COL13A1: variants seen among roughly 807,000 people sequenced by gnomAD.
COL13A1 encodes the protein collagen type XIII alpha 1 chain.
In COL13A1, 89 loss-of-function variants were observed where a neutral mutation model predicts 130.9. That is an observed-to-expected ratio of 0.68 (90% confidence interval 0.57 to 0.81). The LOEUF (loss-of-function observed/expected upper bound fraction) is 0.81. Among genes scored for constraint, COL13A1 ranks in the 30% least tolerant of loss-of-function variants. The pLI is 0.00. For missense variants in COL13A1, 879 were observed against 934.6 expected, an observed-to-expected ratio of 0.94 and a Z score of 0.78; for synonymous variants, 402 against 341.6, an observed-to-expected ratio of 1.18 and a Z score of -1.95.
intron 40 of COL13A1, among the ~76,000 whole-genome samples, 170 bp from the exon 41 acceptor site, chr10:69,958,529 G>A (rs1372125170): frequency 6.6e-6 from 1 of 152,196 alleles, no homozygotes; most frequent in African/African-American, 2.4e-5. Flanking sequence ...CCTTCAGGGA[G>A]CTAAGGTCGC....
chr10:69,825,362 T>C lies in COL13A1; in HGVS notation c.364+2924T>C, dbSNP rs552769704. Among the ~76,000 whole-genome samples the C allele has an allele frequency of 7.9e-4, 120 of 152,192 alleles. 1 individual carries two copies. Among genetic ancestry groups the C allele is most frequent in the Non-Finnish European group, 1.5e-3 (100 of 68,030 alleles). ...ATCCTTGCAGAAGGACTCATACAATTGTCAAGTGCCACATACAAATTCAAA... is the reference window on the plus strand; with the variant it reads ...ATCCTTGCAGAAGGACTCATACAATCGTCAAGTGCCACATACAAATTCAAA... On this transcript the variant is annotated intron_variant, in intron 2 of 40. Transcript: ENST00000645393.
Position 69,889,428 on chromosome 10 carries a change from A to C in COL13A1, c.591A>C (p.Pro197=), listed in dbSNP as rs2060939915. ...GLDGKPGHPG[P]KGDMGLTGPP... ...TCTCCTTCCAGGGCCACCCAGGACC[A>C]AAGGGCGACATGGTAAGAGCCCAGC... Residue 197 remains proline, a synonymous_variant, in exon 10 of 41, where the codon CCA becomes CCC. Coordinates refer to ENST00000645393, the MANE Select transcript of COL13A1 (RefSeq NM_001368882.1). 1 of 1,611,874 alleles carries C rather than the reference A, an allele frequency of 6.2e-7. No homozygotes were observed. Among genetic ancestry groups the C allele is most frequent in the Non-Finnish European group, 8.5e-7 (1 of 1,179,226 alleles).
intron 17 of COL13A1, among the ~76,000 whole-genome samples, chr10:69,906,453 G>C (rs1000496283): frequency 4.6e-5 from 7 of 152,110 alleles, no homozygotes; most frequent in Non-Finnish European, 8.8e-5. Context: ...CTGTGGGCTG[G>C]GGGGCCCTGT....
At position 69,935,403 on chromosome 10, in the gene COL13A1, G is replaced by C; in HGVS notation, c.1770+12G>C. 1 of 1,548,268 alleles carries C rather than the reference G, an allele frequency of 6.5e-7. No homozygotes were observed. Among genetic ancestry groups the C allele is most frequent in the South Asian group, 1.2e-5 (1 of 81,906 alleles). On this transcript the variant is annotated intron_variant, in intron 32 of 40. Transcript: ENST00000645393. Reference sequence around the variant, plus strand: ...CTCCCGGACCTCCGGTAAGTTTGGAGGGCTTGTCAGTGGCCAGTCCACTAA... The same window carrying C: ...CTCCCGGACCTCCGGTAAGTTTGGACGGCTTGTCAGTGGCCAGTCCACTAA...
chr10:69,878,008 C>T, intron 5 of COL13A1, 31 bp from the exon 6 acceptor site: 1 of 702,962 alleles, frequency 1.4e-6, no homozygotes, highest in South Asian at 1.5e-5. Flanking sequence ...CTTTCCCTTC[C>T]TGCACCCTGT....
At position 69,930,569 on chromosome 10, in the gene COL13A1, GCT is replaced by G; in HGVS notation, c.1683+18_1683+19del. On this transcript the variant is annotated intron_variant, in intron 30 of 40. Coordinates refer to ENST00000645393, the MANE Select transcript of COL13A1 (RefSeq NM_001368882.1). ...GGCTCACCGGTGAGTGGCAGGGCTG[GCT>G]GCCCTTCCGTGCATACACCACTCCC... 6.2e-7 allele frequency: 1 copy of G among 1,610,230 alleles called. No individual in the cohort carries two copies. The highest frequency in any genetic ancestry group is 8.5e-7 in the Non-Finnish European group (1 of 1,178,448).
At position 69,950,709 on chromosome 10, in the gene COL13A1, C is replaced by T. The variant is rs118187293; in HGVS notation, c.2059-2173C>T. ...CCTAATATGTGCATACATATTTAAA[C>T]GCATGTCGTTTTCTAAGTAAGGATT... is the stretch of plus-strand genomic sequence containing the variant. On this transcript the variant is annotated intron_variant, in intron 38 of 40. Coordinates refer to ENST00000645393, the MANE Select transcript of COL13A1 (RefSeq NM_001368882.1). Among the ~76,000 whole-genome samples, 39 of 152,298 alleles carry T rather than the reference C, an allele frequency of 2.6e-4. No individual in the cohort carries two copies. In the East Asian group the frequency reaches 4.2e-3, roughly 17 times the overall value.
intron 1 of COL13A1, among the ~76,000 whole-genome samples, chr10:69,805,146 G>T (rs900258045): frequency 6.6e-6 from 1 of 152,142 alleles, no homozygotes; most frequent in Non-Finnish European, 1.5e-5. Context: ...GGCAGCCCAG[G>T]TCAAGAGGGG....
At chr10:69,930,850 T>G (rs1046546354) in intron 30 of COL13A1, among the ~76,000 whole-genome samples, 10 of 152,358 alleles carry the variant, frequency 6.6e-5, no homozygotes, top group African/African-American at 2.4e-4. Flanking sequence ...ATGTTTTCCC[T>G]GGATACCTCA....
intron 2 of COL13A1, among the ~76,000 whole-genome samples, chr10:69,855,507 GAACT>G (rs1486551565): frequency 2.6e-5 from 4 of 152,174 alleles, no homozygotes; most frequent in African/African-American, 4.8e-5. Context: ...ATATTATAAT[GAACT>G]AATAACTAAT....
chr10:69,930,250 G>A, intron 29 of COL13A1, 150 bp from the exon 30 acceptor site: 1 of 1,045,632 alleles, frequency 9.6e-7, no homozygotes, highest in Non-Finnish European at 1.4e-6. Flanking sequence ...GCAAGCCCCA[G>A]GAGGAGCCAG....
chr10:69,954,609 A>G (rs1403971233), intron 39 of COL13A1, among the ~76,000 whole-genome samples: 1 of 152,200 alleles, frequency 6.6e-6, no homozygotes, highest in African/African-American at 2.4e-5. Context: ...GAGCTGGAGG[A>G]GGGGCCACCT....
chr10:69,811,937 C>G (rs1173260177), intron 1 of COL13A1, among the ~76,000 whole-genome samples: 1 of 152,168 alleles, frequency 6.6e-6, no homozygotes. Flanking sequence ...CCTGCCCACA[C>G]CTTCTCAGCC....
chr10:69,869,734 A>T, intron 3 of COL13A1, among the ~76,000 whole-genome samples: 1 of 152,366 alleles, frequency 6.6e-6, no homozygotes, highest in South Asian at 2.1e-4. Flanking sequence ...ATCCATTGGC[A>T]TCAGTGCTCA....
At chr10:69,887,206 A>G (rs2060675555) in intron 7 of COL13A1, among the ~76,000 whole-genome samples, 1 of 152,186 alleles carries the variant, frequency 6.6e-6, no homozygotes, top group African/African-American at 2.4e-5. Context: ...GCCACTTCCC[A>G]GAAGTAGACC....
At position 69,875,157 on chromosome 10, in the gene COL13A1, A is replaced by G; in HGVS notation, c.429A>G (p.Gly143=). The G allele has an allele frequency of 1.2e-6, 2 of 1,613,870 alleles. No homozygotes were observed. The highest frequency in any genetic ancestry group is 1.7e-6 in the Non-Finnish European group (2 of 1,179,850). ...ACAAAGGTGCCATTGGGATGCCTGGACGTGTGGTGAGTTGGCCCGTTTGTA... is the reference window on the plus strand; with the variant it reads ...ACAAAGGTGCCATTGGGATGCCTGGGCGTGTGGTGAGTTGGCCCGTTTGTA... ...PGDKGAIGMP[G]RVGVKGQPGE... The change falls in exon 5 of 41, where the codon GGA becomes GGG. Residue 143 remains glycine, a synonymous_variant. Transcript: ENST00000645393.
chr10:69,810,390 C>CAGAGAGAGAG (rs1842741165), intron 1 of COL13A1, among the ~76,000 whole-genome samples: 1 of 106,134 alleles, frequency 9.4e-6, no homozygotes. Flanking sequence ...GACAGAGAGT[C>CAGAGAGAGAG]TGTGTGGCCC....
chr10:69,852,127 G>A (rs912465789), intron 2 of COL13A1, among the ~76,000 whole-genome samples: 4 of 152,120 alleles, frequency 2.6e-5, no homozygotes, highest in Non-Finnish European at 5.9e-5. Flanking sequence ...TCATTATCTA[G>A]GTTTCGACTC....
intron 39 of COL13A1, among the ~76,000 whole-genome samples, chr10:69,954,220 A>G (rs1196419652): frequency 6.6e-6 from 1 of 151,952 alleles, no homozygotes; most frequent in African/African-American, 2.4e-5. Context: ...CAGTCATGCC[A>G]CCCTCTTGCA....
Sources: allele counts gnomAD v4.1 joint callset (sites outside exome capture counted in the v4.1 genomes callset), GRCh38; gene constraint gnomAD v4.1.1; transcripts MANE v1.5; gene names NCBI Gene and HGNC (gene_info 2026-07-23, HGNC 2026-07-21).